The following IL17RD variants were observed in gnomAD, a reference collection of about 807,000 sequenced individuals.
IL17RD encodes interleukin 17 receptor D.
A neutral mutation model predicts 80.5 loss-of-function variants in IL17RD; 52 were observed. That is an observed-to-expected ratio of 0.65 (90% CI 0.52 to 0.81). IL17RD has a LOEUF of 0.81. Among genes scored for constraint, IL17RD ranks in the 40% least tolerant of loss-of-function variants. IL17RD has a pLI of 0.00. For missense variants in IL17RD, 1,024 were observed against 955.1 expected (o/e 1.07, Z -0.95); for synonymous variants, 416 against 391.8 (o/e 1.06, Z -0.73).
At chr3:57,165,617 C>T (rs1255821325), upstream of IL17RD, among the ~76,000 whole-genome samples, 1 of 151,758 alleles carries the variant, frequency 6.6e-6, no homozygotes, top group Non-Finnish European at 1.5e-5. Context: ...AAGTGATGCT[C>T]ACTCTATGCA....
intron 1 of IL17RD, among the ~76,000 whole-genome samples, chr3:57,149,649 C>T (rs972146875): frequency 2.0e-5 from 3 of 152,126 alleles, no homozygotes; most frequent in Non-Finnish European, 4.4e-5. Flanking sequence ...AGCCACATTT[C>T]AGGTACTCAG....
At chr3:57,141,609 T>C (rs1707829838) in intron 1 of IL17RD, among the ~76,000 whole-genome samples, 1 of 152,222 alleles carries the variant, frequency 6.6e-6, no homozygotes, top group South Asian at 2.1e-4. Flanking sequence ...GTCTATTTTT[T>C]GTACATTATC....
intron 12 of IL17RD, 22 bp from the exon 13 acceptor site, chr3:57,096,527 G>C (rs1273637407): frequency 6.8e-7 from 1 of 1,473,584 alleles, no homozygotes; most frequent in Admixed American, 1.7e-5. Flanking sequence ...AGAGAGTACA[G>C]AGTCACACTG....
intron 2 of IL17RD, among the ~76,000 whole-genome samples, chr3:57,116,282 CTTTTT>C (rs66563028): frequency 9.7e-6 from 1 of 102,572 alleles, no homozygotes; most frequent in East Asian, 2.3e-4. Context: ...TTTTTCTTTT[CTTTTT>C]TTTTTTTTTT....
chr3:57,163,785 C>CGGGGGGGGGGGGGGGGGGGGGGGG (rs57632395), intron 1 of IL17RD, among the ~76,000 whole-genome samples: 5 of 15,960 alleles, frequency 3.1e-4, no homozygotes, highest in South Asian at 1.3e-3. Flanking sequence ...CCTAATGGGG[C>CGGGGGGGGGGGGGGGGGGGGGGGG]GGGGGGGCGG....
intron 1 of IL17RD, 177 bp downstream of exon 1, chr3:57,164,984 G>A: frequency 7.5e-7 from 1 of 1,333,876 alleles, no homozygotes; most frequent in Non-Finnish European, 9.5e-7. Context: ...CAGGGCCGGA[G>A]GACACGCGTC....
chr3:57,158,171 T>C (rs2060280888), intron 1 of IL17RD, among the ~76,000 whole-genome samples: 1 of 152,220 alleles, frequency 6.6e-6, no homozygotes, highest in South Asian at 2.1e-4. Context: ...ATATGGCTTT[T>C]CTGGTACGTT....
At chr3:57,152,143 G>A (rs145342505) in intron 1 of IL17RD, among the ~76,000 whole-genome samples, 107 of 152,154 alleles carry the variant, frequency 7.0e-4, no homozygotes, top group African/African-American at 2.5e-3. Context: ...GAACTCTCTC[G>A]GCTGTGACCA....
intron 1 of IL17RD, among the ~76,000 whole-genome samples, chr3:57,133,702 GTA>G (rs1375079660): frequency 6.6e-6 from 1 of 152,166 alleles, no homozygotes; most frequent in African/African-American, 2.4e-5. Flanking sequence ...GCAAGGAGTG[GTA>G]TAGAGAGGTC....
At chr3:57,148,092 G>GC (rs1279262150) in intron 1 of IL17RD, among the ~76,000 whole-genome samples, 2 of 94,050 alleles carry the variant, frequency 2.1e-5, no homozygotes, top group African/African-American at 4.0e-5. Context: ...CAAGGTTGGG[G>GC]GGGGGGGGGG....
chr3:57,131,962 G>A (rs1297896836), intron 1 of IL17RD, among the ~76,000 whole-genome samples: 1 of 152,200 alleles, frequency 6.6e-6, no homozygotes, highest in Non-Finnish European at 1.5e-5. Flanking sequence ...GAGGCCAGCG[G>A]ATTGCTTGAG....
At chr3:57,153,042 T>C (rs2060239985) in intron 1 of IL17RD, among the ~76,000 whole-genome samples, 1 of 152,220 alleles carries the variant, frequency 6.6e-6, no homozygotes, top group African/African-American at 2.4e-5. Flanking sequence ...TTGAGCATTC[T>C]TGAGAAATAG....
rs569362190 is a variant in IL17RD, at chr3:57,153,812, C to T, written c.126+11349G>A. ...CTGTATTTTATACATTATATACATA[C>T]ATTTTACACACTATATACATTTATA... is the stretch of plus-strand genomic sequence containing the variant. On this transcript the variant is annotated intron_variant, in intron 1 of 12. Transcript: ENST00000296318. 1.0e-3 allele frequency among the ~76,000 whole-genome samples: 157 copies of T among 152,232 alleles called. 2 individuals carry two copies. The South Asian group carries it at 0.021, about 21-fold the overall frequency.
intron 1 of IL17RD, among the ~76,000 whole-genome samples, chr3:57,137,221 T>G (rs1457663017): frequency 1.3e-5 from 2 of 152,172 alleles, no homozygotes; most frequent in Non-Finnish European, 2.9e-5. Flanking sequence ...TCCCTGGAAG[T>G]GACCAACACA....
At chr3:57,105,552 A>AAAAAAAAAAATATATAT in intron 7 of IL17RD, among the ~76,000 whole-genome samples, 21 of 63,582 alleles carry the variant, frequency 3.3e-4, no homozygotes, top group Non-Finnish European at 4.7e-4. Context: ...AAAAAAAAAA[A>AAAAAAAAAAATATATAT]ATATATATAT....
intron 7 of IL17RD, among the ~76,000 whole-genome samples, chr3:57,105,427 C>G (rs1459494683): frequency 6.6e-6 from 1 of 150,568 alleles, no homozygotes; most frequent in Non-Finnish European, 1.5e-5. Flanking sequence ...ATCCTAGCTA[C>G]TCCAGAGGCT....
chr3:57,106,015 G>C lies in IL17RD; in HGVS notation c.596-7C>G. On this transcript the variant is annotated splice_polypyrimidine_tract_variant and splice_region_variant and intron_variant, in intron 6 of 12. Transcript: ENST00000296318. The stretch of plus-strand genomic sequence containing the variant: ...AGGTTCCGAGGCTTCCAGACTGGAA[G>C]AAGGTAGGACCCAGAGTGAGCAACC... The C allele has an allele frequency of 6.2e-7, 1 of 1,613,788 alleles. No homozygotes were observed. The highest frequency in any genetic ancestry group is 1.1e-5 in the South Asian group (1 of 91,066).
intron 11 of IL17RD, among the ~76,000 whole-genome samples, 171 bp from the exon 12 acceptor site, chr3:57,098,709 T>G (rs1244987924): frequency 6.6e-6 from 1 of 152,234 alleles, no homozygotes; most frequent in Non-Finnish European, 1.5e-5. Context: ...ACAGCTAAAG[T>G]TCCGTGGGTG....
chr3:57,142,817 G>C (rs574379525), intron 1 of IL17RD, among the ~76,000 whole-genome samples: 1 of 152,096 alleles, frequency 6.6e-6, no homozygotes, highest in East Asian at 1.9e-4. Context: ...CTTTAAACTG[G>C]AATGTTTTGT....
Sources: allele counts gnomAD v4.1 joint callset (sites outside exome capture counted in the v4.1 genomes callset), GRCh38; gene constraint gnomAD v4.1.1; transcripts MANE v1.5; gene names NCBI Gene and HGNC (gene_info 2026-07-23, HGNC 2026-07-21).